The following TASP1 variants were observed in gnomAD, a reference collection of about 807,000 sequenced individuals.
TASP1 encodes the protein taspase 1, also known as threonine aspartase 1.
TASP1 carries 16 observed loss-of-function variants against 56.6 expected under a neutral mutation model. The observed-to-expected ratio is 0.28, with a 90% CI of 0.19 to 0.43. The LOEUF is 0.43. Ranked by LOEUF, TASP1 falls within the 20% of genes least tolerant of loss-of-function variation. The pLI is 1.00. For missense variants in TASP1, 393 were observed against 511.6 expected (o/e 0.77, Z 2.24); for synonymous variants, 179 against 184.2 (o/e 0.97, Z 0.23).
chr20:13,261,745 G>T, the TASP1 span, among the ~76,000 whole-genome samples: 1 of 152,110 alleles, frequency 6.6e-6, no homozygotes, highest in Admixed American at 6.5e-5. Flanking sequence ...TTTCAATGAG[G>T]GTTCTTAACT....
chr20:13,456,257 T>A (rs754057705), intron 11 of TASP1, among the ~76,000 whole-genome samples: 1 of 152,118 alleles, frequency 6.6e-6, no homozygotes, highest in African/African-American at 2.4e-5. Flanking sequence ...ATAAATCTGC[T>A]TATTATGAGA....
intron 4 of TASP1, among the ~76,000 whole-genome samples, chr20:13,619,634 T>A (rs895437555): frequency 2.6e-5 from 4 of 152,182 alleles, no homozygotes; most frequent in African/African-American, 9.7e-5. Context: ...GTCCAGAATC[T>A]TAAATCCACG....
intron 13 of TASP1, among the ~76,000 whole-genome samples, chr20:13,411,078 A>G (rs2123712432): frequency 6.6e-6 from 1 of 152,292 alleles, no homozygotes. Flanking sequence ...GCATTTATTG[A>G]AGAGGGCGTC....
chr20:13,143,722 T>A, the TASP1 span, among the ~76,000 whole-genome samples: 1 of 152,244 alleles, frequency 6.6e-6, no homozygotes, highest in African/African-American at 2.4e-5. Context: ...TGCAGGCAGC[T>A]GCCTTGGATG....
At position 13,528,471 on chromosome 20, in the gene TASP1, C is replaced by T. The variant is rs2045079286; in HGVS notation, c.836G>A (p.Gly279Glu). The T allele has an allele frequency of 1.2e-6, 2 of 1,610,618 alleles. No homozygotes were observed. The highest frequency in any genetic ancestry group is 1.7e-6 in the Non-Finnish European group (2 of 1,178,120). Residue 279 changes from glycine to glutamate, a missense_variant, in exon 10 of 14, where the codon GGA becomes GAA. Physicochemically the swap from Gly to Glu is moderately conservative, Grantham distance 98. This residue lies in a region of TASP1 where 293 missense variants were observed against 354.2 expected (regional missense o/e 0.83). Coordinates refer to ENST00000337743, the MANE Select transcript of TASP1 (RefSeq NM_017714.3). ...AGCTGTGGAGTAGGGGTTATGAGCTCCAGTATTTTCAGCCCAGCAGCCACA... is the reference window on the plus strand; with the variant it reads ...AGCTGTGGAGTAGGGGTTATGAGCTTCAGTATTTTCAGCCCAGCAGCCACA... Reference protein sequence around the residue: ...YGCGCWAENTGAHNPYSTAVS... With the variant: ...YGCGCWAENTEAHNPYSTAVS...
chr20:13,270,356 T>C, the TASP1 span: 8 of 821,864 alleles, frequency 9.7e-6, no homozygotes, highest in South Asian at 5.5e-5. Context: ...AACTAAACCA[T>C]GGGTTTGCAA....
At chr20:13,275,928 G>A in the TASP1 span, among the ~76,000 whole-genome samples, 1 of 152,202 alleles carries the variant, frequency 6.6e-6, no homozygotes, top group African/African-American at 2.4e-5. Context: ...TCTAAGTTGT[G>A]TAGAAGGGAC....
chr20:13,231,539 A>G, the TASP1 span, among the ~76,000 whole-genome samples: 1 of 152,198 alleles, frequency 6.6e-6, no homozygotes, highest in South Asian at 2.1e-4. Context: ...ACTCCCTGTG[A>G]GGCATCAACT....
intron 13 of TASP1, among the ~76,000 whole-genome samples, chr20:13,392,332 C>T (rs1194877290): frequency 6.6e-6 from 1 of 152,142 alleles, no homozygotes; most frequent in African/African-American, 2.4e-5. Flanking sequence ...GGCTTTTTCT[C>T]AAGGGAAGCC....
intron 11 of TASP1, among the ~76,000 whole-genome samples, chr20:13,462,400 T>C (rs1376986983): frequency 2.0e-5 from 3 of 152,212 alleles, no homozygotes; most frequent in Admixed American, 2.0e-4. Flanking sequence ...TGGGACAGCA[T>C]GGCTTTTGAC....
chr20:13,154,515 G>A, the TASP1 span, among the ~76,000 whole-genome samples: 1 of 152,118 alleles, frequency 6.6e-6, no homozygotes, highest in Non-Finnish European at 1.5e-5. Context: ...ATGTGATCAG[G>A]CTCTGTGCTT....
At chr20:13,503,333 GCTCAA>G (rs769176572) in intron 10 of TASP1, among the ~76,000 whole-genome samples, 4 of 152,076 alleles carry the variant, frequency 2.6e-5, no homozygotes, top group African/African-American at 4.8e-5. Context: ...CAGATAGCCA[GCTCAA>G]CTCTGCAGGA....
the TASP1 span, among the ~76,000 whole-genome samples, chr20:13,235,477 A>C: frequency 6.6e-6 from 1 of 152,300 alleles, no homozygotes; most frequent in East Asian, 1.9e-4. Flanking sequence ...AGAATAGTTA[A>C]CATCACCAGG....
rs114220160 is a variant in TASP1 at position 13,401,736 on chromosome 20, T to C, written c.1171-11284A>G. ...TCCCAACCAAAAAACAAAAACACCA[T>C]AGATAATCATTACTCATTTCCTGTT... On this transcript the variant is annotated intron_variant, in intron 13 of 13. Coordinates refer to ENST00000337743, the MANE Select transcript of TASP1 (RefSeq NM_017714.3). Among the ~76,000 whole-genome samples, 482 of 152,318 alleles carry C rather than the reference T, an allele frequency of 3.2e-3. 2 individuals are homozygous for C. Among genetic ancestry groups the C allele is most frequent in the African/African-American group, 0.011 (440 of 41,576 alleles).
chr20:13,397,657 C>T (rs1241788097), intron 13 of TASP1, among the ~76,000 whole-genome samples: 1 of 152,158 alleles, frequency 6.6e-6, no homozygotes, highest in African/African-American at 2.4e-5. Context: ...TGGAACAAAT[C>T]TTACCAACAA....
the TASP1 span, among the ~76,000 whole-genome samples, chr20:13,116,821 C>T: frequency 6.6e-6 from 1 of 152,180 alleles, no homozygotes; most frequent in Non-Finnish European, 1.5e-5. Context: ...CACCCAATAC[C>T]GACTGAATCA....
chr20:13,316,575 A>G, the TASP1 span, among the ~76,000 whole-genome samples: 1 of 151,944 alleles, frequency 6.6e-6, no homozygotes, highest in African/African-American at 2.4e-5. Context: ...AATGGACAAA[A>G]ATAATTATGC....
intron 4 of TASP1, among the ~76,000 whole-genome samples, chr20:13,595,818 A>G (rs942346075): frequency 3.3e-5 from 5 of 152,238 alleles, no homozygotes; most frequent in East Asian, 1.9e-4. Context: ...ACAGATCAAC[A>G]AGACAGAAGG....
intron 10 of TASP1, among the ~76,000 whole-genome samples, chr20:13,490,690 A>T (rs1421198973): frequency 7.0e-6 from 1 of 143,770 alleles, no homozygotes; most frequent in Non-Finnish European, 1.5e-5. Context: ...CACCCCTCCC[A>T]CCCTCTTACA....
Sources: allele counts gnomAD v4.1 joint callset (sites outside exome capture counted in the v4.1 genomes callset), GRCh38; gene constraint gnomAD v4.1.1; regional missense constraint gnomAD v4.1.1; transcripts MANE v1.5; gene names NCBI Gene and HGNC (gene_info 2026-07-23, HGNC 2026-07-21).